The following ST14 variants were observed in gnomAD, a reference collection of about 807,000 sequenced individuals.
ST14 encodes the protein suppressor of tumorigenicity 14 protein.
In ST14, 40 loss-of-function variants were observed where a neutral mutation model predicts 96.5. That is an observed-to-expected ratio of 0.41 (90% CI 0.32 to 0.54). The LOEUF is 0.54. ST14 is among the 20% of genes least tolerant of loss of function. The pLI is 0.17. For synonymous variants in ST14, 506 were observed against 492.1 expected (o/e 1.03, Z -0.37); for missense variants, 1,066 against 1,188.9 (o/e 0.90, Z 1.52).
intron 9 of ST14, among the ~76,000 whole-genome samples, 177 bp from the exon 10 acceptor site, chr11:130,196,162 A>AC (rs1195112356): frequency 6.7e-6 from 1 of 148,502 alleles, no homozygotes; most frequent in Non-Finnish European, 1.5e-5. Context: ...TCCATCTCAA[A>AC]AAACAAACAA....
intron 1 of ST14, among the ~76,000 whole-genome samples, chr11:130,177,559 G>A (rs868792742): frequency 2.0e-5 from 3 of 152,046 alleles, no homozygotes; most frequent in Non-Finnish European, 2.9e-5. Context: ...GCGAAACTCC[G>A]TCTCAAAAAC....
chr11:130,163,947 T>C (rs1953022332), intron 1 of ST14, among the ~76,000 whole-genome samples: 1 of 152,172 alleles, frequency 6.6e-6, no homozygotes, highest in Non-Finnish European at 1.5e-5. Context: ...TCCCTCCCCC[T>C]ACCTGACCCT....
intron 1 of ST14, among the ~76,000 whole-genome samples, chr11:130,180,178 G>T (rs1482150380): frequency 6.6e-6 from 1 of 152,178 alleles, no homozygotes; most frequent in Non-Finnish European, 1.5e-5. Flanking sequence ...CTTGTCTCAG[G>T]TCTGGGCAGC....
intron 11 of ST14, among the ~76,000 whole-genome samples, chr11:130,197,107 G>A (rs1158372197): frequency 2.0e-5 from 3 of 152,222 alleles, no homozygotes; most frequent in Non-Finnish European, 4.4e-5. Flanking sequence ...GGCTGTATGA[G>A]CAGTGGTTTT....
chr11:130,201,970 A>G (rs901870562), intron 16 of ST14, among the ~76,000 whole-genome samples: 3 of 152,178 alleles, frequency 2.0e-5, no homozygotes, highest in Non-Finnish European at 4.4e-5. Flanking sequence ...TGGCACTACC[A>G]GGTACAATAG....
intron 15 of ST14, 69 bp from the exon 16 acceptor site, chr11:130,199,882 G>T (rs771336939): frequency 6.3e-7 from 1 of 1,595,392 alleles, no homozygotes; most frequent in Non-Finnish European, 8.6e-7. Context: ...GGCACACACT[G>T]CATGTCCCCT....
intron 1 of ST14, among the ~76,000 whole-genome samples, chr11:130,165,875 G>A (rs754871690): frequency 4.6e-5 from 7 of 152,128 alleles, no homozygotes; most frequent in Non-Finnish European, 7.4e-5. Flanking sequence ...TCAGATCTAC[G>A]CAACTTCAGA....
At position 130,161,740 on chromosome 11, in the gene ST14, G is replaced by A. The variant is rs138415384; in HGVS notation, c.81+1680G>A. 2.4e-3 allele frequency among the ~76,000 whole-genome samples: 372 copies of A among 152,272 alleles called. 2 individuals carry two copies. The highest frequency in any genetic ancestry group is 8.4e-3 in the African/African-American group (349 of 41,536). On this transcript the variant is annotated intron_variant, in intron 1 of 18. Coordinates refer to ENST00000278742, the MANE Select transcript of ST14 (RefSeq NM_021978.4). ...CCCCCTCTGCCATTTTCATTCTCTT[G>A]GCTTGCTCTTTGTCTTTTCTCCTGC...
At chr11:130,191,590 C>T (rs1565624578) in intron 7 of ST14, among the ~76,000 whole-genome samples, 1 of 148,730 alleles carries the variant, frequency 6.7e-6, no homozygotes, top group Non-Finnish European at 1.5e-5. Context: ...CTCGGGAGGC[C>T]AAGGCGGGAG....
Position 130,210,017 on chromosome 11 carries a change from G to C in ST14, c.*194G>C. On this transcript the variant is annotated 3_prime_UTR_variant, in exon 19 of 19. Transcript: ENST00000278742. ...CTCAGCCTCCAAAGTGGAGCTGGGA[G>C]GTAGAAGGGGAGGACACTGGTGGTT... The C allele has an allele frequency of 2.9e-6, 2 of 696,646 alleles. No individual in the cohort carries two copies. The highest frequency in any genetic ancestry group is 4.7e-6 in the Non-Finnish European group (2 of 426,344). The allele number at this position is 696,646 out of a possible 1,614,324, so 43.2% of individuals were successfully genotyped here.
At chr11:130,166,509 AT>A (rs1953042840) in intron 1 of ST14, among the ~76,000 whole-genome samples, 1 of 152,114 alleles carries the variant, frequency 6.6e-6, no homozygotes, top group African/African-American at 2.4e-5. Flanking sequence ...GCCATTTCTT[AT>A]TTAGTAACAG....
At chr11:130,198,015 T>TG (rs1953386819) in intron 12 of ST14, 70 bp downstream of exon 12, 37 of 1,461,340 alleles carry the variant, frequency 2.5e-5, no homozygotes, top group Non-Finnish European at 3.3e-5. Context: ...ATGGCCCTGC[T>TG]GGCTGACTGC....
Position 130,209,846 on chromosome 11 carries a change from T to A in ST14, c.*23T>A. 1 of 1,611,540 alleles carries A rather than the reference T, an allele frequency of 6.2e-7. No individual in the cohort carries two copies. Among genetic ancestry groups the A allele is most frequent in the Non-Finnish European group, 8.5e-7 (1 of 1,179,930 alleles). The stretch of plus-strand genomic sequence containing the variant: ...TAGGGGCCGGGGCCACCCAAATGTG[T>A]ACACCTGCGGGGCCACCCATCGTCC... On this transcript the variant is annotated 3_prime_UTR_variant, in exon 19 of 19. Coordinates refer to ENST00000278742, the MANE Select transcript of ST14 (RefSeq NM_021978.4).
rs901935341 is a variant in ST14 at position 130,187,554 on chromosome 11, G to C, written c.82-560G>C. ...CAGCACCACCTTTTTACTTTTGGCT[G>C]GTTCACCATTGGCAGGGCAAGGCCG... is the stretch of plus-strand genomic sequence containing the variant. On this transcript the variant is annotated intron_variant, in intron 1 of 18. Coordinates refer to ENST00000278742, the MANE Select transcript of ST14 (RefSeq NM_021978.4). The surrounding 1 kb of genome is among the most constrained non-coding windows in gnomAD (Gnocchi z 4.5). Among the ~76,000 whole-genome samples, 3 of 152,172 alleles carry C rather than the reference G, an allele frequency of 2.0e-5. No individual in the cohort carries two copies. The highest frequency in any genetic ancestry group is 4.4e-5 in the Non-Finnish European group (3 of 68,030).
rs750492145 is a variant in ST14 at position 130,190,683 on chromosome 11, C to T, written c.864C>T (p.His288=). The change falls in exon 7 of 19, where the codon CAC becomes CAT. Residue 288 remains histidine (H), a synonymous_variant. Coordinates refer to ENST00000278742, the MANE Select transcript of ST14 (RefSeq NM_021978.4). ...VYNTLSPMEP[H]ALVQLCGTYP... ...ACACCCTGAGCCCCATGGAGCCCCA[C>T]GCCCTGGTGCAGTGAGTACCCCGGG... The T allele has an allele frequency of 2.1e-5, 33 of 1,587,332 alleles. No individual in the cohort carries two copies. The highest frequency in any genetic ancestry group is 6.8e-5 in the South Asian group (6 of 87,710).
At chr11:130,173,888 AC>A (rs2136204987) in intron 1 of ST14, among the ~76,000 whole-genome samples, 1 of 152,254 alleles carries the variant, frequency 6.6e-6, no homozygotes, top group Non-Finnish European at 1.5e-5. Context: ...TGGGTGGTTT[AC>A]CCCACAAGAC....
chr11:130,196,731 C>CG, intron 11 of ST14, 31 bp downstream of exon 11: 1 of 1,614,078 alleles, frequency 6.2e-7, no homozygotes, highest in Admixed American at 1.7e-5. Context: ...GGAGGGCTGG[C>CG]GGGGGCCTGC....
Position 130,196,564 on chromosome 11 carries a change from C to CT in ST14, c.1224-5dup, listed in dbSNP as rs1565626317. The CT allele has an allele frequency of 1.9e-6, 3 of 1,610,992 alleles. No individual in the cohort carries two copies. The highest frequency in any genetic ancestry group is 1.7e-6 in the Non-Finnish European group (2 of 1,178,032). ...CTCCTCACCTTGTGCCCCGCCCCCC[C>CT]TCCAGATACTGCGGAGAGAGGTCCC... On this transcript the variant is annotated splice_region_variant and splice_polypyrimidine_tract_variant and intron_variant, in intron 10 of 18. Coordinates refer to ENST00000278742, the MANE Select transcript of ST14 (RefSeq NM_021978.4).
At chr11:130,201,883 A>C (rs1591895064) in intron 16 of ST14, among the ~76,000 whole-genome samples, 1 of 152,112 alleles carries the variant, frequency 6.6e-6, no homozygotes, top group South Asian at 2.1e-4. Context: ...TGGCCCAACC[A>C]CTTCTCTTTG....
Sources: allele counts gnomAD v4.1 joint callset (sites outside exome capture counted in the v4.1 genomes callset), GRCh38; gene constraint gnomAD v4.1.1; non-coding constraint Gnocchi (gnomAD v3.1); transcripts MANE v1.5; gene names NCBI Gene and HGNC (gene_info 2026-07-23, HGNC 2026-07-21).